The following FAM227B variants were observed in gnomAD, a reference collection of about 807,000 sequenced individuals.
FAM227B encodes protein FAM227B.
Under a neutral mutation model 73.8 loss-of-function variants are expected in FAM227B, and 88 were observed. The observed-to-expected ratio is 1.19, with a 90% CI of 1.00 to 1.42. FAM227B has a LOEUF of 1.42. FAM227B is among the 40% of genes most tolerant of loss of function. The pLI is 0.00. For missense variants in FAM227B, 632 were observed against 590.9 expected, an observed-to-expected ratio of 1.07 and a Z score of -0.72; for synonymous variants, 210 against 190.5, an observed-to-expected ratio of 1.10 and a Z score of -0.84.
chr15:49,572,178 T>C (rs1370710907), intron 8 of FAM227B, among the ~76,000 whole-genome samples: 3 of 152,092 alleles, frequency 2.0e-5, no homozygotes, highest in African/African-American at 7.2e-5. Flanking sequence ...GAAATGCTAC[T>C]AATTTTTGAA....
At chr15:49,547,131 T>C (rs1445532974) in intron 9 of FAM227B, among the ~76,000 whole-genome samples, 1 of 152,148 alleles carries the variant, frequency 6.6e-6, no homozygotes, top group South Asian at 2.1e-4. Flanking sequence ...TATTCAACAT[T>C]CTTAAAGAAA....
chr15:49,476,463 C>T (rs1349578037), intron 11 of FAM227B, among the ~76,000 whole-genome samples: 1 of 151,774 alleles, frequency 6.6e-6, no homozygotes, highest in Non-Finnish European at 1.5e-5. Context: ...GTCTGTATAT[C>T]CAGTATTTGT....
At chr15:49,478,200 T>C (rs1597452993) in intron 11 of FAM227B, among the ~76,000 whole-genome samples, 2 of 152,208 alleles carry the variant, frequency 1.3e-5, no homozygotes, top group Admixed American at 6.5e-5. Flanking sequence ...TTAATTTGCT[T>C]AGGATAATGG....
intron 9 of FAM227B, among the ~76,000 whole-genome samples, chr15:49,542,695 T>C (rs752689477): frequency 1.2e-4 from 18 of 149,184 alleles, no homozygotes; most frequent in Non-Finnish European, 2.1e-4. Context: ...CTGAGTAGTA[T>C]TCCATTTTAT....
intron 5 of FAM227B, among the ~76,000 whole-genome samples, chr15:49,580,148 A>G (rs2075720297): frequency 6.6e-6 from 1 of 152,242 alleles, no homozygotes; most frequent in Non-Finnish European, 1.5e-5. Flanking sequence ...AACAAAAAGA[A>G]TAACTATTAA....
chr15:49,418,145 A>G (rs1437101743), intron 11 of FAM227B, among the ~76,000 whole-genome samples: 1 of 152,218 alleles, frequency 6.6e-6, no homozygotes, highest in Non-Finnish European at 1.5e-5. Context: ...AATGGCTATT[A>G]CTAAAAAGTC....
chr15:49,447,576 A>G (rs977351216), intron 11 of FAM227B, among the ~76,000 whole-genome samples: 1 of 151,766 alleles, frequency 6.6e-6, no homozygotes, highest in Non-Finnish European at 1.5e-5. Flanking sequence ...TTTAAAATAC[A>G]TGTTCACCAT....
intron 11 of FAM227B, among the ~76,000 whole-genome samples, chr15:49,392,087 G>A (rs1194739312): frequency 6.6e-6 from 1 of 152,088 alleles, no homozygotes; most frequent in Non-Finnish European, 1.5e-5. Context: ...ATGACCAAAT[G>A]AGATGATAAA....
At chr15:49,533,584 A>G (rs1163852977) in intron 10 of FAM227B, among the ~76,000 whole-genome samples, 2 of 151,788 alleles carry the variant, frequency 1.3e-5, no homozygotes, top group Non-Finnish European at 2.9e-5. Flanking sequence ...TACTATTGTT[A>G]TATCCTCTTT....
At chr15:49,528,049 C>A (rs544155478) in intron 10 of FAM227B, among the ~76,000 whole-genome samples, 1 of 151,710 alleles carries the variant, frequency 6.6e-6, no homozygotes, top group South Asian at 2.1e-4. Flanking sequence ...GTATCCAAAG[C>A]AATTCAGCAA....
chr15:49,499,540 T>C (rs2152085057), intron 11 of FAM227B, among the ~76,000 whole-genome samples: 1 of 152,326 alleles, frequency 6.6e-6, no homozygotes. Flanking sequence ...AGAAACTGAC[T>C]AGCAGTTTTT....
At chr15:49,353,565 T>C (rs374429068) in intron 13 of FAM227B, 11 of 152,102 alleles carry the variant, frequency 7.2e-5, no homozygotes, top group South Asian at 6.2e-4. Flanking sequence ...CATTAACAGA[T>C]AATTTTATGA....
At chr15:49,603,272 T>C (rs949580157) in intron 3 of FAM227B, among the ~76,000 whole-genome samples, 6 of 152,198 alleles carry the variant, frequency 3.9e-5, no homozygotes, top group Admixed American at 6.5e-5. Context: ...TTCCAATCCA[T>C]AAACATGGAC....
At chr15:49,566,281 A>G (rs1011157350) in intron 9 of FAM227B, among the ~76,000 whole-genome samples, 7 of 152,160 alleles carry the variant, frequency 4.6e-5, no homozygotes, top group Non-Finnish European at 8.8e-5. Context: ...TTTTTCTACC[A>G]GAAATGATGA....
chr15:49,584,094 C>A (rs1211728006), intron 5 of FAM227B, among the ~76,000 whole-genome samples: 1 of 152,130 alleles, frequency 6.6e-6, no homozygotes, highest in African/African-American at 2.4e-5. Flanking sequence ...TCTTGATGAA[C>A]ATTGATGCAA....
chr15:49,548,876 T>C (rs956449803), intron 9 of FAM227B, among the ~76,000 whole-genome samples: 1 of 152,224 alleles, frequency 6.6e-6, no homozygotes, highest in African/African-American at 2.4e-5. Flanking sequence ...TCCTTTTTCA[T>C]TTCTGATTTG....
At chr15:49,422,807 C>A in intron 11 of FAM227B, 1 of 1,114,728 alleles carries the variant, frequency 9.0e-7, no homozygotes, top group Non-Finnish European at 1.3e-6. Flanking sequence ...CTACACAGTG[C>A]TTTAAGGCAC....
chr15:49,327,902 C>T lies in FAM227B; in HGVS notation c.*666G>A, dbSNP rs749120317. On this transcript the variant is annotated 3_prime_UTR_variant, in exon 16 of 16. Transcript: ENST00000299338. ...GTGTTCTACAAACACCAAGCAAATCCCTTGTATTTTCATTTATAGGTTCTA... is the reference window on the plus strand; with the variant it reads ...GTGTTCTACAAACACCAAGCAAATCTCTTGTATTTTCATTTATAGGTTCTA... 5 of 1,551,548 alleles carry T rather than the reference C, an allele frequency of 3.2e-6. No individual in the cohort carries two copies. In the Admixed American group the frequency reaches 9.1e-5, roughly 28 times the overall value.
At chr15:49,489,472 T>A (rs1490983459) in intron 11 of FAM227B, 1 of 544,414 alleles carries the variant, frequency 1.8e-6, no homozygotes, top group African/African-American at 2.1e-5. Flanking sequence ...GAACTCCCAA[T>A]GTAGCTGCAA....
Sources: gnomAD v4.1 joint callset for allele counts (sites outside exome capture counted in the v4.1 genomes callset) on GRCh38, gnomAD v4.1.1 for gene constraint, MANE v1.5 for transcripts, NCBI Gene and HGNC (gene_info 2026-07-23, HGNC 2026-07-21) for gene names.